Variants in DOK7 observed in about 807,000 individuals in gnomAD.
DOK7 encodes docking protein 7, also known as protein Dok-7.
Under a neutral mutation model 30.7 loss-of-function variants are expected in DOK7, and 32 were observed. That is an observed-to-expected ratio of 1.04 (90% CI 0.79 to 1.40). The LOEUF is 1.40. Ranked by LOEUF, DOK7 falls within the 40% of genes most tolerant of loss-of-function variation. The probability of loss-of-function intolerance (pLI) is 0.00; values close to 1 mark genes in which losing one functional copy is unlikely to be tolerated. For missense variants in DOK7, 1,007 were observed against 699.2 expected, an observed-to-expected ratio of 1.44 and a Z score of -4.97; for synonymous variants, 447 against 324.1, an observed-to-expected ratio of 1.38 and a Z score of -4.07.
downstream of DOK7, among the ~76,000 whole-genome samples, chr4:3,497,426 G>A (rs7680504): frequency 0.14 from 21,014 of 152,004 alleles, 1,630 homozygotes; most frequent in African/African-American, 0.19. Flanking sequence ...AGGCAGGGAG[G>A]CAGTGGGAAG....
At chr4:3,500,655 G>A (rs765540422) in intron 7 of DOK7, 72 of 1,535,514 alleles carry the variant, frequency 4.7e-5, no homozygotes, top group Non-Finnish European at 6.1e-5. Flanking sequence ...TGGGTGGCTC[G>A]GGGCGCAGGC....
Position 3,463,566 on chromosome 4 carries a change from CG to C in DOK7, c.100+20del. 5 of 256,756 alleles carry C rather than the reference CG, an allele frequency of 1.9e-5. No homozygotes were observed. The highest frequency in any genetic ancestry group is 3.5e-5 in the Non-Finnish European group (5 of 140,890). 15.9% of individuals were successfully genotyped at this position (256,756 alleles called of 1,614,324 possible). A position where few individuals can be genotyped will look rare whatever the true frequency, so the allele number is the denominator to read the frequency against. On this transcript the variant is annotated intron_variant, in intron 2 of 6. Coordinates refer to ENST00000340083, the MANE Select transcript of DOK7 (RefSeq NM_173660.5). ...GCCCGTGGCAGGTGAGCGGGGCGGG[CG>C]GGGGACGGGGGGCGCGGGGGTAGCG...
chr4:3,493,430 G>C lies in DOK7; in HGVS notation c.1444G>C (p.Ala482Pro), dbSNP rs774629109. The stretch of plus-strand genomic sequence containing the variant: ...GCCCTGGGAAGCAGGCGGCCCCCAC[G>C]CGGGGCCACCCCCGGCTTTCTTTTC... ...GEPWEAGGPH[A>P]GPPPAFFSAC... The change falls in exon 7 of 7, where the codon GCG (alanine) becomes CCG (proline). Residue 482 changes from alanine to proline, a missense_variant. Transcript: ENST00000340083. 2 of 1,603,714 alleles carry C rather than the reference G, an allele frequency of 1.2e-6. No homozygotes were observed. Among genetic ancestry groups the C allele is most frequent in the South Asian group, 2.2e-5 (2 of 89,906 alleles).
chr4:3,476,560 G>C lies in DOK7; in HGVS notation c.532+18G>C. 4 of 1,613,602 alleles carry C rather than the reference G, an allele frequency of 2.5e-6. No individual in the cohort carries two copies. Among genetic ancestry groups the C allele is most frequent in the Non-Finnish European group, 3.4e-6 (4 of 1,179,994 alleles). On this transcript the variant is annotated intron_variant, in intron 4 of 6. Coordinates refer to ENST00000340083, the MANE Select transcript of DOK7 (RefSeq NM_173660.5). The stretch of plus-strand genomic sequence containing the variant: ...TGGGTACTGTAAGTACGGATGTGTG[G>C]GGTCACTGGGCAGCAGCAGCACCCC...
rs1333674033 is a variant in DOK7 at position 3,489,856 on chromosome 4, C to T, written c.772+60C>T. The T allele has an allele frequency of 9.7e-6, 15 of 1,543,998 alleles. No individual in the cohort carries two copies. The African/African-American group carries it at 1.6e-4, about 17-fold the overall frequency. ...CGGCTAAGCCTCCAGCAGGAGAGCT[C>T]AGGAGGCATCCATGCATGTGTGGGG... On this transcript the variant is annotated intron_variant, in intron 6 of 6. Coordinates refer to ENST00000340083, the MANE Select transcript of DOK7 (RefSeq NM_173660.5).
chr4:3,500,660 G>A (rs755450192), intron 7 of DOK7: 71 of 1,535,574 alleles, frequency 4.6e-5, no homozygotes, highest in African/African-American at 2.2e-4. Context: ...GGCTCGGGGC[G>A]CAGGCTGCCG....
At chr4:3,497,353 C>T (rs537077601), downstream of DOK7, among the ~76,000 whole-genome samples, 28 of 151,966 alleles carry the variant, frequency 1.8e-4, no homozygotes, top group Admixed American at 2.6e-4. Context: ...AGCGACTCGG[C>T]GAAGGGCAGG....
At position 3,468,748 on chromosome 4, in the gene DOK7, G is replaced by GTT. The variant is rs542321489; in HGVS notation, c.101-4657_101-4656insTT. Among the ~76,000 whole-genome samples, 808 of 116,596 alleles carry GTT rather than the reference G, an allele frequency of 6.9e-3. 10 individuals are homozygous for GTT. Among genetic ancestry groups the GTT allele is most frequent in the African/African-American group, 0.029 (754 of 26,368 alleles). 76.5% of individuals were successfully genotyped at this position (116,596 alleles called of 152,430 possible). A position where few individuals can be genotyped will look rare whatever the true frequency, so the allele number is the denominator to read the frequency against. On this transcript the variant is annotated intron_variant, in intron 2 of 6. Transcript: ENST00000340083. Reference sequence around the variant, plus strand: ...TGCCTGTATGTCTGCCTGTGTATGTGTCTGTGTGCGTGTGTGTGTGCATGT... The same window carrying GTT: ...TGCCTGTATGTCTGCCTGTGTATGTGTTTCTGTGTGCGTGTGTGTGTGCATGT...
intron 6 of DOK7, among the ~76,000 whole-genome samples, chr4:3,499,628 T>C (rs942178221): frequency 6.6e-6 from 1 of 151,138 alleles, no homozygotes; most frequent in Non-Finnish European, 1.5e-5. Flanking sequence ...GACAGAACCA[T>C]CAGCTATTAG....
chr4:3,467,449 ACC>A (rs796674033), intron 2 of DOK7, among the ~76,000 whole-genome samples: 77 of 78,306 alleles, frequency 9.8e-4, no homozygotes, highest in African/African-American at 2.9e-3. Context: ...TCCAGGGAAG[ACC>A]CCCCCCCCCC....
Position 3,493,404 on chromosome 4 carries a change from A to G in DOK7, c.1418A>G (p.Glu473Gly), listed in dbSNP as rs1728673461. ...ACACTGCCTGGCCCTGCCCCTGGCG[A>G]GCCCTGGGAAGCAGGCGGCCCCCAC... ...EATLPGPAPG[E>G]PWEAGGPHAG... Residue 473 changes from glutamate to glycine, a missense_variant, in exon 7 of 7, where the codon GAG (glutamate) becomes GGG (glycine). Physicochemically the swap from Glu to Gly is moderately conservative, Grantham distance 98. Coordinates refer to ENST00000340083, the MANE Select transcript of DOK7 (RefSeq NM_173660.5). 1 of 1,596,302 alleles carries G rather than the reference A, an allele frequency of 6.3e-7. No individual in the cohort carries two copies. The highest frequency in any genetic ancestry group is 2.3e-5 in the East Asian group (1 of 44,166).
At chr4:3,481,919 C>T (rs925257955) in intron 4 of DOK7, among the ~76,000 whole-genome samples, 1 of 152,234 alleles carries the variant, frequency 6.6e-6, no homozygotes, top group East Asian at 1.9e-4. Flanking sequence ...GCGTCTGTAA[C>T]GTGGGTGAGG....
chr4:3,475,750 G>A (rs1007189383), intron 3 of DOK7, among the ~76,000 whole-genome samples: 1 of 152,144 alleles, frequency 6.6e-6, no homozygotes, highest in Admixed American at 6.5e-5. Context: ...CTGTGATGGA[G>A]CCACACAGCT....
intron 2 of DOK7, among the ~76,000 whole-genome samples, chr4:3,464,674 C>T (rs904908441): frequency 1.3e-5 from 2 of 152,152 alleles, no homozygotes; most frequent in South Asian, 2.1e-4. Context: ...GGGCTGGAGC[C>T]GGTGCAGACC....
rs1272441396 is a variant in DOK7, at chr4:3,493,460, T to C, written c.1474T>C (p.Cys492Arg). 8.1e-6 allele frequency: 13 copies of C among 1,610,466 alleles called. No individual in the cohort carries two copies. The highest frequency in any genetic ancestry group is 3.3e-5 in the Admixed American group (2 of 59,858). ...AGPPPAFFSA[C>R]PVCGGLKVNP... ...GCCACCCCCGGCTTTCTTTTCGGCATGTCCAGTCTGTGGAGGACTCAAGGT... is the reference window on the plus strand; with the variant it reads ...GCCACCCCCGGCTTTCTTTTCGGCACGTCCAGTCTGTGGAGGACTCAAGGT... The change falls in exon 7 of 7, where the codon TGT becomes CGT. Residue 492 changes from cysteine to arginine, a missense_variant. Coordinates refer to ENST00000340083, the MANE Select transcript of DOK7 (RefSeq NM_173660.5).
chr4:3,485,391 C>T (rs966909191), intron 4 of DOK7, 148 bp from the exon 5 acceptor site: 22 of 1,105,510 alleles, frequency 2.0e-5, no homozygotes, highest in Admixed American at 1.4e-4. Context: ...GGCGGGGTGT[C>T]GGCTCTGGGC....
chr4:3,500,139 G>A lies in DOK7; in HGVS notation c.1109-112G>A, dbSNP rs535735129. ...GCGGGAACTTCCAAGGTGCAGGAGAGGCGGAGTGGGGAGGAGGGGCTAGGC... is the reference window on the plus strand; with the variant it reads ...GCGGGAACTTCCAAGGTGCAGGAGAAGCGGAGTGGGGAGGAGGGGCTAGGC... On this transcript the variant is annotated intron_variant, in intron 6 of 7. Coordinates refer to the DOK7 transcript ENST00000643608. The A allele has an allele frequency of 1.0e-5, 13 of 1,297,756 alleles. No homozygotes were observed. In the South Asian group the frequency reaches 1.4e-4, roughly 14 times the overall value. 80.4% of individuals were successfully genotyped at this position (1,297,756 alleles called of 1,614,324 possible).
intron 4 of DOK7, among the ~76,000 whole-genome samples, chr4:3,484,131 G>A (rs910375732): frequency 6.6e-6 from 1 of 152,216 alleles, no homozygotes; most frequent in Non-Finnish European, 1.5e-5. Context: ...CAGGTGGCGT[G>A]CCTTCTCTGG....
intron 2 of DOK7, among the ~76,000 whole-genome samples, chr4:3,463,911 C>T (rs1351203945): frequency 6.6e-6 from 1 of 152,188 alleles, no homozygotes; most frequent in African/African-American, 2.4e-5. Context: ...GCAGGGCCCC[C>T]GAACCCAGCC....
Sources: allele counts gnomAD v4.1 joint callset (sites outside exome capture counted in the v4.1 genomes callset), GRCh38; gene constraint gnomAD v4.1.1; transcripts MANE v1.5; gene names NCBI Gene and HGNC (gene_info 2026-07-23, HGNC 2026-07-21).